TANC1: variants seen among roughly 807,000 people sequenced by gnomAD.
TANC1 encodes protein TANC1.
A neutral mutation model predicts 149.7 loss-of-function variants in TANC1; 77 were observed. The observed-to-expected ratio is 0.51, with a 90% CI of 0.43 to 0.62. The LOEUF (loss-of-function observed/expected upper bound fraction) is 0.62, where lower values mean the gene tolerates loss of function less well. TANC1 is among the 20% of genes least tolerant of loss of function. The pLI is 0.00. For synonymous variants in TANC1, 854 were observed against 925.0 expected (o/e 0.92, Z 1.39); for missense variants, 1,985 against 2,321.8 (o/e 0.85, Z 2.98).
chr2:159,214,391 T>C (rs995929618), intron 19 of TANC1, among the ~76,000 whole-genome samples: 22 of 152,132 alleles, frequency 1.4e-4, no homozygotes, highest in Admixed American at 3.9e-4. Context: ...TATCTTCAGG[T>C]GTCTTGTCTT....
At chr2:159,181,331 T>C (rs1259984108) in intron 14 of TANC1, among the ~76,000 whole-genome samples, 2 of 151,894 alleles carry the variant, frequency 1.3e-5, no homozygotes, top group African/African-American at 4.8e-5. Context: ...GGAGTCTCGC[T>C]GTCGCCCAGG....
rs2039790888 is a variant in TANC1 at position 159,031,661 on chromosome 2, G to A, written c.-16+30472G>A. Among the ~76,000 whole-genome samples the A allele has an allele frequency of 2.0e-5, 3 of 152,036 alleles. 1 individual carries two copies. On this transcript the variant is annotated intron_variant, in intron 2 of 26. Transcript: ENST00000263635. ...GTGCTTTTGAGTGCTATTACTTATC[G>A]AGAAATAAATATATAAATCAGAAAG...
chr2:159,196,341 G>A (rs2057847763), intron 17 of TANC1, among the ~76,000 whole-genome samples: 1 of 152,218 alleles, frequency 6.6e-6, no homozygotes, highest in African/African-American at 2.4e-5. Flanking sequence ...TAGGAGCTTT[G>A]TGTAGTTTGC....
intron 2 of TANC1, among the ~76,000 whole-genome samples, chr2:159,028,772 A>G (rs1574217172): frequency 1.3e-5 from 2 of 152,126 alleles, no homozygotes; most frequent in South Asian, 4.2e-4. Flanking sequence ...ATTAATTATG[A>G]TTATTATTGT....
chr2:159,102,383 G>A (rs1163145586), intron 4 of TANC1, among the ~76,000 whole-genome samples: 4 of 150,786 alleles, frequency 2.7e-5, no homozygotes, highest in Admixed American at 6.6e-5. Context: ...GGGCTCAAGC[G>A]ATCCTTCCAC....
intron 16 of TANC1, among the ~76,000 whole-genome samples, chr2:159,192,651 G>A (rs2057534991): frequency 6.6e-6 from 1 of 151,922 alleles, no homozygotes; most frequent in African/African-American, 2.4e-5. Context: ...TTTTGTTTTT[G>A]TTTTTGTTTT....
intron 4 of TANC1, among the ~76,000 whole-genome samples, chr2:159,101,522 T>C (rs2046707808): frequency 6.6e-6 from 1 of 152,168 alleles, no homozygotes; most frequent in African/African-American, 2.4e-5. Flanking sequence ...TATTTGGTTT[T>C]TTTTTTCATT....
At chr2:159,026,699 C>A (rs1004922095) in intron 2 of TANC1, among the ~76,000 whole-genome samples, 2 of 152,014 alleles carry the variant, frequency 1.3e-5, no homozygotes, top group African/African-American at 4.8e-5. Flanking sequence ...CTGCTTGTAC[C>A]TTCTGGAGTG....
intron 2 of TANC1, among the ~76,000 whole-genome samples, chr2:159,042,915 C>A (rs1483453453): frequency 6.6e-6 from 1 of 152,112 alleles, no homozygotes; most frequent in African/African-American, 2.4e-5. Flanking sequence ...GGCATGTTAT[C>A]TTAAACCTTT....
intron 5 of TANC1, among the ~76,000 whole-genome samples, chr2:159,143,136 A>T (rs913425513): frequency 2.0e-5 from 3 of 152,116 alleles, no homozygotes; most frequent in African/African-American, 7.2e-5. Flanking sequence ...AGTTGCCCAT[A>T]ATAAAACTTG....
intron 2 of TANC1, among the ~76,000 whole-genome samples, chr2:159,023,041 T>C (rs938108189): frequency 1.3e-5 from 2 of 152,170 alleles, no homozygotes; most frequent in Non-Finnish European, 2.9e-5. Flanking sequence ...GATAGTATAC[T>C]AAGGATTACA....
intron 24 of TANC1, chr2:159,226,310 G>A (rs1484555921): frequency 6.1e-6 from 1 of 164,802 alleles, no homozygotes; most frequent in East Asian, 1.9e-4. Flanking sequence ...GCTAATCCTT[G>A]AGGTTGTAGT....
At chr2:159,148,260 G>T (rs949802707) in intron 5 of TANC1, 4 of 152,202 alleles carry the variant, frequency 2.6e-5, no homozygotes, top group African/African-American at 9.6e-5. Flanking sequence ...TAGAAGGTGA[G>T]AGACGTGTTA....
In TANC1 at chr2:159,232,282, A is replaced by G. The variant is rs1065594; in HGVS notation, c.*1270A>G. The G allele has an allele frequency of 0.27, 41,825 of 152,578 alleles. 7,320 individuals are homozygous for G. Among genetic ancestry groups the G allele is most frequent in the Admixed American group, 0.47 (7,173 of 15,290 alleles). 9.5% of individuals were successfully genotyped at this position (152,578 alleles called of 1,614,324 possible). A position where few individuals can be genotyped will look rare whatever the true frequency, so the allele number is the denominator to read the frequency against. The stretch of plus-strand genomic sequence containing the variant: ...TGGTGTGTTATTGGAAGATGTTAAA[A>G]TGCTAATTTGAGAGAAGTAGGAGTG... On this transcript the variant is annotated 3_prime_UTR_variant, in exon 27 of 27. Transcript: ENST00000263635.
intron 2 of TANC1, among the ~76,000 whole-genome samples, chr2:159,048,411 C>G (rs951071352): frequency 6.6e-6 from 1 of 152,096 alleles, no homozygotes; most frequent in Admixed American, 6.5e-5. Context: ...AGCTGGGTGG[C>G]CTGAGACAAG....
At chr2:159,174,177 C>A (rs2055579525) in intron 11 of TANC1, among the ~76,000 whole-genome samples, 1 of 152,124 alleles carries the variant, frequency 6.6e-6, no homozygotes, top group Non-Finnish European at 1.5e-5. Flanking sequence ...GATTTTTCTT[C>A]TATCTATAGC....
intron 1 of TANC1, among the ~76,000 whole-genome samples, chr2:158,988,893 C>T (rs914017255): frequency 6.6e-6 from 1 of 152,178 alleles, no homozygotes; most frequent in African/African-American, 2.4e-5. Flanking sequence ...CCCACTCTCA[C>T]TATCGGCTTC....
At position 159,203,115 on chromosome 2, in the gene TANC1, CAG is replaced by C. The variant is rs909964838; in HGVS notation, c.3244+4065_3244+4066del. ...TCAGGCAGATGGTCCTGTCTGGTAT[CAG>C]AGCCTTAACCCTCTCCACTCCCTTG... On this transcript the variant is annotated intron_variant, in intron 19 of 26. Coordinates refer to ENST00000263635, the MANE Select transcript of TANC1 (RefSeq NM_033394.3). Among the ~76,000 whole-genome samples, 20 of 152,288 alleles carry C rather than the reference CAG, an allele frequency of 1.3e-4. 1 individual carries two copies. Among genetic ancestry groups the C allele is most frequent in the African/African-American group, 4.6e-4 (19 of 41,556 alleles).
chr2:159,013,138 T>C (rs994070724), intron 2 of TANC1, among the ~76,000 whole-genome samples: 106 of 152,332 alleles, frequency 7.0e-4, no homozygotes, highest in African/African-American at 2.4e-3. Flanking sequence ...ATTTGAAATA[T>C]GAACTTGCCC....
Sources: allele counts gnomAD v4.1 joint callset (sites outside exome capture counted in the v4.1 genomes callset), GRCh38; gene constraint gnomAD v4.1.1; transcripts MANE v1.5; gene names NCBI Gene and HGNC (gene_info 2026-07-23, HGNC 2026-07-21).